Variants in LHFPL3 observed in about 807,000 individuals in gnomAD.
LHFPL3 encodes the protein LHFPL tetraspan subfamily member 3 protein.
Under a neutral mutation model 19.3 loss-of-function variants are expected in LHFPL3, and 5 were observed. The ratio of observed to expected loss-of-function variants is 0.26; its 90% CI spans 0.14 to 0.54. The LOEUF (loss-of-function observed/expected upper bound fraction) is 0.54. Among genes scored for constraint, LHFPL3 ranks in the 20% least tolerant of loss-of-function variants. The pLI is 0.94. For missense variants in LHFPL3, 249 were observed against 307.4 expected, an observed-to-expected ratio of 0.81 and a Z score of 1.42; for synonymous variants, 133 against 126.2, an observed-to-expected ratio of 1.05 and a Z score of -0.36.
chr7:104,545,343 C>G (rs1265444297), intron 1 of LHFPL3, among the ~76,000 whole-genome samples: 1 of 152,176 alleles, frequency 6.6e-6, no homozygotes, highest in Admixed American at 6.6e-5. Context: ...GACCTTCTCT[C>G]TAATGTCCAC....
At chr7:104,560,758 T>C (rs958696281) in intron 1 of LHFPL3, among the ~76,000 whole-genome samples, 1 of 146,626 alleles carries the variant, frequency 6.8e-6, no homozygotes. Flanking sequence ...TTTCTAGTTC[T>C]TTTAATTGTG....
chr7:104,398,491 G>T (rs1791239543), intron 1 of LHFPL3, among the ~76,000 whole-genome samples: 1 of 152,074 alleles, frequency 6.6e-6, no homozygotes, highest in Non-Finnish European at 1.5e-5. Context: ...CAAAGAGAGG[G>T]GGCATCTGAG....
At chr7:104,852,411 G>A (rs1341941059) in intron 2 of LHFPL3, among the ~76,000 whole-genome samples, 1 of 152,242 alleles carries the variant, frequency 6.6e-6, no homozygotes, top group Non-Finnish European at 1.5e-5. Context: ...GGAGGGCCAT[G>A]CTGAAAGTAG....
In LHFPL3 at chr7:104,451,452, A is replaced by G. The variant is rs114027658; in HGVS notation, c.445+122228A>G. Among the ~76,000 whole-genome samples the G allele has an allele frequency of 2.7e-3, 411 of 152,294 alleles. 3 individuals carry two copies. Among genetic ancestry groups the G allele is most frequent in the African/African-American group, 9.0e-3 (376 of 41,568 alleles). On this transcript the variant is annotated intron_variant, in intron 1 of 2. Transcript: ENST00000424859. ...GAGTGCTATAATGCGGGTGATGAAGAGTTTTGTTGTTCTCTGTTTGTCTTC... is the reference window on the plus strand; with the variant it reads ...GAGTGCTATAATGCGGGTGATGAAGGGTTTTGTTGTTCTCTGTTTGTCTTC...
At chr7:104,614,661 T>TC (rs1276426420) in intron 1 of LHFPL3, among the ~76,000 whole-genome samples, 16 of 82,462 alleles carry the variant, frequency 1.9e-4, no homozygotes, top group African/African-American at 6.6e-4. Flanking sequence ...CTCTCCTTCC[T>TC]TCCTTCCTTC....
At chr7:104,489,870 G>A (rs1356021446) in intron 1 of LHFPL3, among the ~76,000 whole-genome samples, 2 of 152,062 alleles carry the variant, frequency 1.3e-5, no homozygotes, top group Non-Finnish European at 2.9e-5. Context: ...CGTGTGGCTG[G>A]GTACAAACAG....
chr7:104,622,100 A>G (rs904614377), intron 1 of LHFPL3, among the ~76,000 whole-genome samples: 9 of 151,810 alleles, frequency 5.9e-5, no homozygotes, highest in African/African-American at 2.2e-4. Flanking sequence ...CCCCCATCCC[A>G]CCTTTTCTTT....
chr7:104,339,236 G>C (rs556421986), intron 1 of LHFPL3, among the ~76,000 whole-genome samples: 1 of 149,160 alleles, frequency 6.7e-6, no homozygotes, highest in South Asian at 2.1e-4. Flanking sequence ...CAACAAGAGC[G>C]AAACTCCGTC....
At chr7:104,874,229 G>A (rs946893450) in intron 2 of LHFPL3, among the ~76,000 whole-genome samples, 7 of 152,214 alleles carry the variant, frequency 4.6e-5, no homozygotes, top group African/African-American at 1.7e-4. Flanking sequence ...CCAATTAACT[G>A]CACTGAAGAG....
At chr7:104,561,253 C>T (rs1019680233) in intron 1 of LHFPL3, among the ~76,000 whole-genome samples, 43 of 148,416 alleles carry the variant, frequency 2.9e-4, no homozygotes, top group Non-Finnish European at 5.2e-4. Context: ...CTTCCTGTCT[C>T]GTTGATCTGT....
intron 1 of LHFPL3, among the ~76,000 whole-genome samples, chr7:104,710,541 A>G (rs1263119855): frequency 6.6e-6 from 1 of 152,136 alleles, no homozygotes; most frequent in African/African-American, 2.4e-5. Context: ...GTAATTGTAT[A>G]ATGGTTAAGA....
chr7:104,650,771 G>A (rs2193200), intron 1 of LHFPL3, among the ~76,000 whole-genome samples: 147,212 of 152,292 alleles, frequency 0.97, 71,297 homozygotes, highest in Non-Finnish European at 1. Context: ...AGGCACTGTG[G>A]GGAGATGCAA....
intron 1 of LHFPL3, among the ~76,000 whole-genome samples, chr7:104,343,529 A>T (rs1790001393): frequency 7.8e-5 from 3 of 38,534 alleles, no homozygotes; most frequent in African/African-American, 1.5e-4. Flanking sequence ...AAAAAAAAAA[A>T]AAAAAAAAAA....
chr7:104,631,484 A>AGGAAGGATG (rs1584450841), intron 1 of LHFPL3, among the ~76,000 whole-genome samples: 1 of 152,076 alleles, frequency 6.6e-6, no homozygotes, highest in East Asian at 1.9e-4. Context: ...AGTAAAGGAT[A>AGGAAGGATG]GAGGAAGAAT....
chr7:104,821,565 G>C (rs1038898993), intron 2 of LHFPL3, among the ~76,000 whole-genome samples: 1 of 152,310 alleles, frequency 6.6e-6, no homozygotes, highest in Admixed American at 6.5e-5. Context: ...AGGCAGAACT[G>C]TGTGGGTTCA....
chr7:104,485,396 A>T (rs1261079151), intron 1 of LHFPL3, among the ~76,000 whole-genome samples: 1 of 152,056 alleles, frequency 6.6e-6, no homozygotes, highest in South Asian at 2.1e-4. Flanking sequence ...TTATTTTTTT[A>T]AAGTGCTCTC....
chr7:104,696,101 C>T (rs1229264050), intron 1 of LHFPL3, among the ~76,000 whole-genome samples: 1 of 152,146 alleles, frequency 6.6e-6, no homozygotes, highest in East Asian at 1.9e-4. Flanking sequence ...CAGGCACCCA[C>T]CACCACGCCC....
intron 1 of LHFPL3, among the ~76,000 whole-genome samples, chr7:104,361,752 T>A (rs1341914266): frequency 6.6e-6 from 1 of 152,208 alleles, no homozygotes; most frequent in Non-Finnish European, 1.5e-5. Context: ...TGTATGCTTG[T>A]AATGGGGTCA....
At chr7:104,731,551 T>C (rs572449937) in intron 1 of LHFPL3, among the ~76,000 whole-genome samples, 26 of 152,224 alleles carry the variant, frequency 1.7e-4, no homozygotes, top group South Asian at 4.2e-4. Flanking sequence ...TAAGAATGCT[T>C]GTGATTTTTG....
Sources: gnomAD v4.1 joint callset for allele counts (sites outside exome capture counted in the v4.1 genomes callset) on GRCh38, gnomAD v4.1.1 for gene constraint, MANE v1.5 for transcripts, NCBI Gene and HGNC (gene_info 2026-07-23, HGNC 2026-07-21) for gene names.